Variants in SOCS5 observed in about 807,000 individuals in gnomAD.
The protein encoded by SOCS5 is suppressor of cytokine signaling 5.
SOCS5 carries 32 observed loss-of-function variants against 42.8 expected under a neutral mutation model. The ratio of observed to expected loss-of-function variants is 0.75; its 90% CI spans 0.56 to 1.01. The LOEUF (loss-of-function observed/expected upper bound fraction) is 1.01, where lower values mean the gene tolerates loss of function less well. Among genes scored for constraint, SOCS5 ranks in the 50% least tolerant of loss-of-function variants. The pLI is 0.00. For missense variants in SOCS5, 627 were observed against 653.0 expected, an observed-to-expected ratio of 0.96 and a Z score of 0.43; for synonymous variants, 283 against 229.6, an observed-to-expected ratio of 1.23 and a Z score of -2.10.
intron 1 of SOCS5, among the ~76,000 whole-genome samples, chr2:46,714,178 A>G (rs1165732048): frequency 6.6e-6 from 1 of 152,176 alleles, no homozygotes; most frequent in African/African-American, 2.4e-5. Context: ...ATCTTCTTAT[A>G]TCTTACATCT....
intron 1 of SOCS5, among the ~76,000 whole-genome samples, chr2:46,724,560 A>C (rs756947350): frequency 6.6e-6 from 1 of 152,018 alleles, no homozygotes; most frequent in Non-Finnish European, 1.5e-5. Flanking sequence ...CATCATACAA[A>C]TGATGTATTT....
chr2:46,708,149 C>T (rs947654341), intron 1 of SOCS5, among the ~76,000 whole-genome samples: 1 of 152,170 alleles, frequency 6.6e-6, no homozygotes, highest in Non-Finnish European at 1.5e-5. Context: ...TAAGGCTCTG[C>T]TCTAGTTCAA....
Position 46,716,303 on chromosome 2 carries a change from G to T in SOCS5, c.-13+16854G>T, listed in dbSNP as rs555695423. Among the ~76,000 whole-genome samples the T allele has an allele frequency of 4.7e-4, 53 of 112,768 alleles. 1 individual carries two copies. In the South Asian group the frequency reaches 0.015, roughly 33 times the overall value. 74.0% of individuals were successfully genotyped at this position (112,768 alleles called of 152,430 possible). On this transcript the variant is annotated intron_variant, in intron 1 of 1. Coordinates refer to ENST00000394861, the MANE Select transcript of SOCS5 (RefSeq NM_144949.3). ...CAGCCATTTCTTGGTCCTTATTGTA[G>T]TTTATTATTTATTTTTCATAGGCCT...
rs578117986 is a variant in SOCS5, at chr2:46,721,460, C to A, written c.-13+22011C>A. On this transcript the variant is annotated intron_variant, in intron 1 of 1. Transcript: ENST00000394861. ...AATTGCACCAAATTTTACATTTTAG[C>A]ATAATGGAAAACATGAAGAGCTGGA... Among the ~76,000 whole-genome samples, 13 of 152,226 alleles carry A rather than the reference C, an allele frequency of 8.5e-5. No individual in the cohort carries two copies. The South Asian group carries it at 2.7e-3, about 32-fold the overall frequency.
intron 1 of SOCS5, among the ~76,000 whole-genome samples, chr2:46,708,676 C>T (rs1273209405): frequency 1.3e-5 from 2 of 152,114 alleles, no homozygotes; most frequent in Non-Finnish European, 2.9e-5. Context: ...GCCAGAAAGC[C>T]AGAAATATTT....
rs1440359971 is a variant in SOCS5 at position 46,759,859 on chromosome 2, C to T, written c.1329C>T (p.Asp443=). 10 of 1,614,156 alleles carry T rather than the reference C, an allele frequency of 6.2e-6. No individual in the cohort carries two copies. The highest frequency in any genetic ancestry group is 3.3e-4 in the Middle Eastern group (2 of 6,062). Residue 443 remains aspartate, a synonymous_variant, in exon 2 of 2, where the codon GAC becomes GAT. Transcript: ENST00000394861. ...WNHNFSFDAH[D]PCVFHSSTVT... ...ACAACTTTAGTTTCGACGCCCATGA[C>T]CCGTGTGTATTTCACTCCTCCACTG...
At chr2:46,744,076 C>A (rs1428970329) in intron 1 of SOCS5, among the ~76,000 whole-genome samples, 2 of 151,884 alleles carry the variant, frequency 1.3e-5, no homozygotes, top group East Asian at 3.9e-4. Context: ...TGCAACCTCC[C>A]CCTCCTGGGT....
chr2:46,709,052 A>T (rs888229848), intron 1 of SOCS5, among the ~76,000 whole-genome samples: 3 of 151,880 alleles, frequency 2.0e-5, no homozygotes, highest in Non-Finnish European at 4.4e-5. Flanking sequence ...ACGCCTGGCT[A>T]ATTTTTGTAT....
At chr2:46,747,518 T>G (rs1389679917) in intron 1 of SOCS5, among the ~76,000 whole-genome samples, 1 of 152,140 alleles carries the variant, frequency 6.6e-6, no homozygotes, top group African/African-American at 2.4e-5. Flanking sequence ...GCCCGGCTAG[T>G]CTCTTTTAAA....
chr2:46,727,597 G>A (rs1429740408), intron 1 of SOCS5, among the ~76,000 whole-genome samples: 1 of 152,102 alleles, frequency 6.6e-6, no homozygotes. Flanking sequence ...AGCCTGTAGT[G>A]CTTCGCTGTT....
chr2:46,759,939 C>A lies in SOCS5; in HGVS notation c.1409C>A (p.Pro470Gln). The A allele has an allele frequency of 1.2e-6, 2 of 1,614,092 alleles. No individual in the cohort carries two copies. Among genetic ancestry groups the A allele is most frequent in the Non-Finnish European group, 1.7e-6 (2 of 1,179,988 alleles). Residue 470 changes from proline to glutamine, a missense_variant, in exon 2 of 2, where the codon CCA becomes CAA. By Grantham distance (76) the Pro-to-Gln change is moderately conservative. Coordinates refer to ENST00000394861, the MANE Select transcript of SOCS5 (RefSeq NM_144949.3). Reference sequence around the variant, plus strand: ...CCCAGTTCGTGCATGTTTTTTGAACCATTGCTTACTATATCACTAAATAGG... The same window carrying A: ...CCCAGTTCGTGCATGTTTTTTGAACAATTGCTTACTATATCACTAAATAGG... ...KDPSSCMFFE[P>Q]LLTISLNRTF... is the part of the protein sequence containing the mutation.
In SOCS5 at chr2:46,759,748, G is replaced by GGACTCTGCGCAAGAGGACT. The variant is rs1558415401; in HGVS notation, c.1219_1237dup (p.Tyr413Ter). 1 of 1,613,938 alleles carries GGACTCTGCGCAAGAGGACT rather than the reference G, an allele frequency of 6.2e-7. No individual in the cohort carries two copies. The highest frequency in any genetic ancestry group is 8.5e-7 in the Non-Finnish European group (1 of 1,179,998). Reference sequence around the variant, plus strand: ...AACCTGAAGGCACGTTTTTGCTCAGGGACTCTGCGCAAGAGGACTACCTCT... The same window carrying GGACTCTGCGCAAGAGGACT: ...AACCTGAAGGCACGTTTTTGCTCAGGGACTCTGCGCAAGAGGACTGACTCTGCGCAAGAGGACTACCTCT... On this transcript the variant is annotated frameshift_variant, in exon 2 of 2. Coordinates refer to ENST00000394861, the MANE Select transcript of SOCS5 (RefSeq NM_144949.3). LOFTEE classifies it high-confidence loss of function.
chr2:46,705,996 T>G (rs763105050), intron 1 of SOCS5, among the ~76,000 whole-genome samples: 4 of 152,204 alleles, frequency 2.6e-5, no homozygotes, highest in Admixed American at 6.5e-5. Context: ...ATCCAGAAGT[T>G]ATGTAGATGA....
rs192708013 is a variant in SOCS5, at chr2:46,703,972, C to T, written c.-13+4523C>T. ...TCTTAGTGACCTGAAAATTAGTTGCCTGCCTTTACATGTAGGTGAAAAATT... is the reference window on the plus strand; with the variant it reads ...TCTTAGTGACCTGAAAATTAGTTGCTTGCCTTTACATGTAGGTGAAAAATT... On this transcript the variant is annotated intron_variant, in intron 1 of 1. Transcript: ENST00000394861. Among the ~76,000 whole-genome samples, 3 of 152,172 alleles carry T rather than the reference C, an allele frequency of 2.0e-5. No individual in the cohort carries two copies. The East Asian group carries it at 5.8e-4, about 29-fold the overall frequency.
chr2:46,706,803 G>C (rs1267283416), intron 1 of SOCS5, among the ~76,000 whole-genome samples: 2 of 152,134 alleles, frequency 1.3e-5, no homozygotes, highest in African/African-American at 4.8e-5. Context: ...AGATCAGCCG[G>C]TGAAGAGGGG....
chr2:46,709,131 G>C (rs187380182), intron 1 of SOCS5, among the ~76,000 whole-genome samples: 1 of 152,000 alleles, frequency 6.6e-6, no homozygotes, highest in Non-Finnish European at 1.5e-5. Flanking sequence ...CGATCCGCCC[G>C]CCTTGGCCTC....
chr2:46,751,264 A>G (rs772663210), intron 1 of SOCS5, among the ~76,000 whole-genome samples: 4 of 152,202 alleles, frequency 2.6e-5, no homozygotes, highest in South Asian at 2.1e-4. Context: ...TCTTTTTTCA[A>G]GATTCAGCTT....
intron 1 of SOCS5, among the ~76,000 whole-genome samples, chr2:46,715,371 C>T (rs560582702): frequency 9.2e-6 from 1 of 108,870 alleles, no homozygotes; most frequent in Admixed American, 9.0e-5. Context: ...AACACCCTGT[C>T]AAAAAAAAAA....
chr2:46,734,989 T>C (rs1673211074), intron 1 of SOCS5, among the ~76,000 whole-genome samples: 1 of 152,220 alleles, frequency 6.6e-6, no homozygotes, highest in African/African-American at 2.4e-5. Flanking sequence ...GGTATCTGCC[T>C]GAAATTCCAT....
Sources: gnomAD v4.1 joint callset for allele counts (sites outside exome capture counted in the v4.1 genomes callset) on GRCh38, gnomAD v4.1.1 for gene constraint, MANE v1.5 for transcripts, NCBI Gene and HGNC (gene_info 2026-07-23, HGNC 2026-07-21) for gene names.